The following TLE1 variants were observed in gnomAD, a reference collection of about 807,000 sequenced individuals.
TLE1 encodes TLE family member 1, transcriptional corepressor.
Under a neutral mutation model 89.8 loss-of-function variants are expected in TLE1, and 21 were observed. The ratio of observed to expected loss-of-function variants is 0.23; its 90% confidence interval spans 0.17 to 0.34. TLE1 has a LOEUF of 0.34. Ranked by LOEUF, TLE1 falls within the 10% of genes least tolerant of loss-of-function variation. TLE1 has a pLI of 1.00. For missense variants in TLE1, 795 were observed against 1,031.2 expected, an observed-to-expected ratio of 0.77 and a Z score of 3.14; for synonymous variants, 447 against 407.6, an observed-to-expected ratio of 1.10 and a Z score of -1.16.
intron 6 of TLE1, among the ~76,000 whole-genome samples, chr9:81,645,049 T>C (rs1426043135): frequency 4.6e-5 from 6 of 131,250 alleles, no homozygotes; most frequent in Non-Finnish European, 9.8e-5. Flanking sequence ...GTATATATCA[T>C]ATCTCAATTT....
chr9:81,587,921 T>TGTGTGTCATCCCGC, intron 16 of TLE1, 93 bp from the exon 17 acceptor site: 1 of 923,878 alleles, frequency 1.1e-6, no homozygotes, highest in Non-Finnish European at 1.5e-6. Flanking sequence ...TGTGTGTGTG[T>TGTGTGTCATCCCGC]GTGTGTGTGT....
intron 1 of TLE1, 44 bp from the exon 2 acceptor site, chr9:81,687,478 C>A (rs771086980): frequency 1.4e-5 from 21 of 1,474,714 alleles, no homozygotes; most frequent in African/African-American, 9.7e-5. Context: ...GGAATGCGGG[C>A]GGATGAATAA....
At chr9:81,606,990 A>C (rs907815198) in intron 14 of TLE1, among the ~76,000 whole-genome samples, 1 of 151,080 alleles carries the variant, frequency 6.6e-6, no homozygotes. Flanking sequence ...TTGGGAGGCC[A>C]TGGCAAGAGG....
Position 81,620,424 on chromosome 9 carries a change from G to C in TLE1, c.711+17C>G. ...AGTAAGCAAACAAATATTATTTCAA[G>C]TCCTTTAATTACTTACATAGTGGCT... On this transcript the variant is annotated intron_variant, in intron 9 of 19. Transcript: ENST00000376499. The C allele has an allele frequency of 6.3e-7, 1 of 1,577,924 alleles. No individual in the cohort carries two copies. The highest frequency in any genetic ancestry group is 8.7e-7 in the Non-Finnish European group (1 of 1,151,460).
intron 9 of TLE1, among the ~76,000 whole-genome samples, chr9:81,619,516 C>T (rs1032258769): frequency 3.3e-4 from 50 of 152,334 alleles, no homozygotes; most frequent in African/African-American, 1.1e-3. Flanking sequence ...CAGCTATAGG[C>T]TTGGGCCAGC....
At chr9:81,594,773 C>T (rs1829987176) in intron 14 of TLE1, among the ~76,000 whole-genome samples, 1 of 152,120 alleles carries the variant, frequency 6.6e-6, no homozygotes, top group Admixed American at 6.6e-5. Context: ...CTTAAATTTT[C>T]ATTTTAATAC....
intron 8 of TLE1, 83 bp from the exon 9 acceptor site, chr9:81,620,640 T>C: frequency 6.5e-7 from 1 of 1,548,108 alleles, no homozygotes; most frequent in South Asian, 1.3e-5. Context: ...GAGAACTATT[T>C]TTGAAAGGTG....
chr9:81,590,742 C>G, intron 16 of TLE1, 63 bp downstream of exon 16: 4 of 1,575,654 alleles, frequency 2.5e-6, no homozygotes, highest in Non-Finnish European at 2.6e-6. Context: ...CAGAGAGAAG[C>G]AGAGGTGATA....
chr9:81,659,628 C>T (rs904457347), intron 4 of TLE1, among the ~76,000 whole-genome samples: 4 of 152,154 alleles, frequency 2.6e-5, no homozygotes, highest in African/African-American at 9.7e-5. Context: ...CTGTCTACAA[C>T]AGTCTTTCAT....
intron 14 of TLE1, among the ~76,000 whole-genome samples, chr9:81,603,664 C>A (rs781633011): frequency 6.6e-6 from 1 of 152,202 alleles, no homozygotes; most frequent in Non-Finnish European, 1.5e-5. Flanking sequence ...GCCCAAAACT[C>A]TTTTTCTTGT....
chr9:81,585,671 C>T lies in TLE1; in HGVS notation c.1978-16G>A, dbSNP rs752467586. 1.2e-6 allele frequency: 2 copies of T among 1,612,704 alleles called. No individual in the cohort carries two copies. Among genetic ancestry groups the T allele is most frequent in the Non-Finnish European group, 1.7e-6 (2 of 1,179,222 alleles). On this transcript the variant is annotated splice_polypyrimidine_tract_variant and intron_variant, in intron 17 of 19. Transcript: ENST00000376499. ...GGGAGAAGATCTACAAGGAGCAAGACAGGCTCACTCATTATTCCGCCTGAT... is the reference window on the plus strand; with the variant it reads ...GGGAGAAGATCTACAAGGAGCAAGATAGGCTCACTCATTATTCCGCCTGAT...
In TLE1 at chr9:81,688,129, G is replaced by A. The variant is rs1834603966; in HGVS notation, c.24+88C>T. 14 of 1,529,972 alleles carry A rather than the reference G, an allele frequency of 9.2e-6. No homozygotes were observed. In the South Asian group the frequency reaches 9.3e-5, roughly 10 times the overall value. The allele number at this position is 1,529,972 out of a possible 1,614,324, so 94.8% of individuals were successfully genotyped here. On this transcript the variant is annotated intron_variant, in intron 1 of 19. Coordinates refer to ENST00000376499, the MANE Select transcript of TLE1 (RefSeq NM_005077.5). ...CGCTGAGGGCGAGAAGGTCCGCCGG[G>A]CCTCAGAAGCCACCAGTCTCCCTAC...
rs1287731528 is a variant in TLE1, at chr9:81,590,943, G to A, written c.1691C>T (p.Pro564Leu). The part of the protein sequence containing the change: ...LSIWDLAAPT[P>L]RIKAELTSSA... ...GGACGTCAGCTCCGCCTTGATGCGC[G>A]GGGTTGGAGCCGCCAGGTCCCAAAT... Residue 564 changes from proline (P) to leucine (L), a missense_variant, in exon 16 of 20, where the codon CCG becomes CTG. Pro to Leu is a moderately conservative substitution (Grantham distance 98). Transcript: ENST00000376499. 2.5e-6 allele frequency: 4 copies of A among 1,614,238 alleles called. No homozygotes were observed. Among genetic ancestry groups the A allele is most frequent in the Non-Finnish European group, 3.4e-6 (4 of 1,180,042 alleles).
At chr9:81,613,041 C>T (rs1823919083) in intron 12 of TLE1, among the ~76,000 whole-genome samples, 1 of 151,348 alleles carries the variant, frequency 6.6e-6, no homozygotes. Context: ...CTGGGGGGGA[C>T]AAGAGCAAGA....
At position 81,634,155 on chromosome 9, in the gene TLE1, C is replaced by T. The variant is rs751081284; in HGVS notation, c.519G>A (p.Gly173=). 2.8e-5 allele frequency: 45 copies of T among 1,604,448 alleles called. No homozygotes were observed. The South Asian group carries it at 4.7e-4, about 17-fold the overall frequency. The change falls in exon 7 of 20, where the codon GGG becomes GGA. Residue 173 remains glycine (G), a synonymous_variant. Transcript: ENST00000376499. ...CATCTTTTATTGCCAAGTGAGACTG[C>T]CCACTCAGAGCACTAGACAGCGCAA... ...GLLALSSALS[G]QSHLAIKDDK...
At chr9:81,643,244 G>T (rs1294033847) in intron 6 of TLE1, among the ~76,000 whole-genome samples, 4 of 147,682 alleles carry the variant, frequency 2.7e-5, no homozygotes, top group African/African-American at 7.4e-5. Context: ...TTGTTTTTTG[G>T]TTTTTTTTTT....
At chr9:81,593,443 T>C (rs1157216672) in intron 14 of TLE1, among the ~76,000 whole-genome samples, 169 bp from the exon 15 acceptor site, 1 of 152,178 alleles carries the variant, frequency 6.6e-6, no homozygotes, top group Non-Finnish European at 1.5e-5. Flanking sequence ...TGGTGCAAAT[T>C]TAAAATAATT....
At chr9:81,620,326 CTT>C (rs913665031) in intron 9 of TLE1, 113 bp downstream of exon 9, 99 of 846,598 alleles carry the variant, frequency 1.2e-4, no homozygotes, top group Non-Finnish European at 1.8e-4. Context: ...AACCTCTCCT[CTT>C]TACAGTATTA....
At chr9:81,622,241 C>A (rs1255878194) in intron 8 of TLE1, among the ~76,000 whole-genome samples, 1 of 152,214 alleles carries the variant, frequency 6.6e-6, no homozygotes, top group Admixed American at 6.5e-5. Context: ...CCTCCAGACT[C>A]TGTGCAGCAT....
Sources: allele counts gnomAD v4.1 joint callset (sites outside exome capture counted in the v4.1 genomes callset), GRCh38; gene constraint gnomAD v4.1.1; transcripts MANE v1.5; gene names NCBI Gene and HGNC (gene_info 2026-07-23, HGNC 2026-07-21).